FYB2: variants seen among roughly 807,000 people sequenced by gnomAD.
The protein encoded by FYB2 is FYN-binding protein 2.
A neutral mutation model predicts 94.1 loss-of-function variants in FYB2; 103 were observed. That is an observed-to-expected ratio of 1.09 (90% CI 0.93 to 1.29). FYB2 has a LOEUF of 1.29. FYB2 is among the 50% of genes most tolerant of loss of function. The probability of loss-of-function intolerance (pLI) is 0.00; values close to 1 mark genes in which losing one functional copy is unlikely to be tolerated. For synonymous variants in FYB2, 293 were observed against 287.9 expected (o/e 1.02, Z -0.18); for missense variants, 896 against 841.5 (o/e 1.06, Z -0.80).
the FYB2 span, chr1:56,826,805 T>A: frequency 6.6e-6 from 1 of 152,198 alleles, no homozygotes; most frequent in Admixed American, 6.5e-5. Context: ...TCAAAGGCAG[T>A]TTCCCAAGGG....
intron 16 of FYB2, among the ~76,000 whole-genome samples, chr1:56,725,445 T>C (rs1202137736): frequency 6.6e-6 from 1 of 152,046 alleles, no homozygotes; most frequent in Admixed American, 6.6e-5. Context: ...GTTATATCAC[T>C]CTGTTGTAAA....
intron 9 of FYB2, among the ~76,000 whole-genome samples, chr1:56,748,908 T>G (rs1312350642): frequency 6.6e-6 from 1 of 151,982 alleles, no homozygotes; most frequent in Non-Finnish European, 1.5e-5. Context: ...AATGTCCCAG[T>G]TTTTATTTGT....
At chr1:56,760,162 T>A (rs1221309319) in intron 5 of FYB2, among the ~76,000 whole-genome samples, 1 of 151,988 alleles carries the variant, frequency 6.6e-6, no homozygotes, top group Non-Finnish European at 1.5e-5. Flanking sequence ...TTGATAAAAT[T>A]GCTTGGTTGG....
At chr1:56,824,301 G>T (rs74756995), upstream of FYB2, 3,781 of 152,624 alleles carry the variant, frequency 0.025, 66 homozygotes, top group Middle Eastern at 0.047. Context: ...GCCGGTCTCT[G>T]CTTCCAAGAT....
intron 1 of FYB2, among the ~76,000 whole-genome samples, chr1:56,806,538 C>T (rs1646651602): frequency 6.6e-6 from 1 of 152,062 alleles, no homozygotes; most frequent in African/African-American, 2.4e-5. Flanking sequence ...ACAAACTTAA[C>T]AACACAAATT....
chr1:56,720,236 C>T lies in FYB2; in HGVS notation c.2068G>A (p.Glu690Lys). 6.2e-7 allele frequency: 1 copy of T among 1,612,074 alleles called. No homozygotes were observed. Among genetic ancestry groups the T allele is most frequent in the Non-Finnish European group, 8.5e-7 (1 of 1,178,972 alleles). The change falls in exon 18 of 20, where the codon GAA becomes AAA. Residue 690 changes from glutamate to lysine, a missense_variant. Physicochemically the swap from Glu to Lys is moderately conservative, Grantham distance 56. Coordinates refer to ENST00000343433, the MANE Select transcript of FYB2 (RefSeq NM_001004303.5). ...IFDLPISPGE[E>K]LEVIDTTEQN... ...TCGGTGGTATCAATGACTTCCAATT[C>T]TTCTCCAGGACTTATTGGCAAATCA...
At chr1:56,813,758 C>G (rs1044313694) in intron 1 of FYB2, among the ~76,000 whole-genome samples, 1 of 152,154 alleles carries the variant, frequency 6.6e-6, no homozygotes, top group African/African-American at 2.4e-5. Flanking sequence ...CTGTTCTAAG[C>G]TCTTTAAACA....
intron 4 of FYB2, among the ~76,000 whole-genome samples, chr1:56,786,970 AC>A (rs1257885426): frequency 2.2e-4 from 34 of 152,316 alleles, no homozygotes; most frequent in African/African-American, 7.7e-4. Context: ...TATCTTTGCA[AC>A]TTAACATCAG....
Position 56,723,609 on chromosome 1 carries a change from T to G in FYB2, c.1953A>C (p.Lys651Asn). 6.4e-7 allele frequency: 1 copy of G among 1,555,776 alleles called. No individual in the cohort carries two copies. The highest frequency in any genetic ancestry group is 8.8e-7 in the Non-Finnish European group (1 of 1,132,802). ...GTACCTTAAACCTTTCTCTAAATAGTTTTTCTTCTCTTTTCATTCTGTTCT... is the reference window on the plus strand; with the variant it reads ...GTACCTTAAACCTTTCTCTAAATAGGTTTTCTTCTCTTTTCATTCTGTTCT... ...LEKNRMKREE[K>N]LFRERFKYDK... The change falls in exon 17 of 20, where the codon AAA becomes AAC. Residue 651 changes from lysine (K) to asparagine (N), a missense_variant. Coordinates refer to ENST00000343433, the MANE Select transcript of FYB2 (RefSeq NM_001004303.5).
intron 16 of FYB2, 49 bp from the exon 17 acceptor site, chr1:56,723,730 T>A (rs781691411): frequency 8.9e-7 from 1 of 1,123,268 alleles, no homozygotes; most frequent in Admixed American, 2.4e-5. Context: ...ATAAAACTTT[T>A]TAAGTTTCTG....
At position 56,792,219 on chromosome 1, in the gene FYB2, C is replaced by A. The variant is rs760055856; in HGVS notation, c.594G>T (p.Lys198Asn). The A allele has an allele frequency of 6.2e-7, 1 of 1,613,862 alleles. No individual in the cohort carries two copies. The highest frequency in any genetic ancestry group is 1.1e-5 in the South Asian group (1 of 91,008). ...TKGAQTLPSQ[K>N]HVVAPKILHN... ...GTAATATTTTGGGGGCCACCACGTG[C>A]TTCTGGGAAGGAAGAGTCTGGGCTC... is the stretch of plus-strand genomic sequence containing the variant. Residue 198 changes from lysine to asparagine, a missense_variant, in exon 2 of 20, where the codon AAG becomes AAT. Transcript: ENST00000343433.
intron 4 of FYB2, among the ~76,000 whole-genome samples, chr1:56,772,517 G>A (rs72909349): frequency 0.038 from 5,737 of 152,146 alleles, 209 homozygotes; most frequent in African/African-American, 0.098. Context: ...TACAGAACTT[G>A]GATTGGAGGG....
At chr1:56,807,669 C>T (rs1271635489) in intron 1 of FYB2, among the ~76,000 whole-genome samples, 1 of 152,172 alleles carries the variant, frequency 6.6e-6, no homozygotes, top group Non-Finnish European at 1.5e-5. Flanking sequence ...AGAGATAGAA[C>T]CTCAGATTCT....
chr1:56,782,391 T>C (rs1275912777), intron 4 of FYB2, among the ~76,000 whole-genome samples: 4 of 152,136 alleles, frequency 2.6e-5, no homozygotes, highest in African/African-American at 9.7e-5. Flanking sequence ...ACAGTGTTGT[T>C]GTAATCATCA....
chr1:56,821,173 G>A (rs755886204), upstream of FYB2, among the ~76,000 whole-genome samples: 8 of 152,216 alleles, frequency 5.3e-5, no homozygotes, highest in Non-Finnish European at 1.2e-4. Context: ...AGTCCCAACT[G>A]ATAATTGGGC....
chr1:56,748,252 T>C (rs2100664315), intron 9 of FYB2, among the ~76,000 whole-genome samples: 1 of 152,242 alleles, frequency 6.6e-6, no homozygotes, highest in Middle Eastern at 3.4e-3. Flanking sequence ...TTAGTTTAAT[T>C]AGATCCCATT....
chr1:56,785,329 A>G (rs1420702559), intron 4 of FYB2, among the ~76,000 whole-genome samples: 1 of 152,270 alleles, frequency 6.6e-6, no homozygotes, highest in East Asian at 1.9e-4. Flanking sequence ...GAAAGAACAA[A>G]GAGCAAGTGA....
chr1:56,727,806 G>T (rs1374228014), intron 15 of FYB2, among the ~76,000 whole-genome samples: 1 of 152,022 alleles, frequency 6.6e-6, no homozygotes, highest in East Asian at 1.9e-4. Flanking sequence ...GTTTTACCAT[G>T]CTTTACAACT....
chr1:56,822,788 G>A (rs78472470), upstream of FYB2, among the ~76,000 whole-genome samples: 803 of 151,420 alleles, frequency 5.3e-3, 5 homozygotes, highest in East Asian at 0.028. Flanking sequence ...TCTGAAAATG[G>A]GAAATCACGT....
Sources: allele counts gnomAD v4.1 joint callset (sites outside exome capture counted in the v4.1 genomes callset), GRCh38; gene constraint gnomAD v4.1.1; transcripts MANE v1.5; gene names NCBI Gene and HGNC (gene_info 2026-07-23, HGNC 2026-07-21).